The following CCDC171 variants were observed in gnomAD, a reference collection of about 807,000 sequenced individuals.
CCDC171 encodes coiled-coil domain-containing protein 171.
In CCDC171, 177 loss-of-function variants were observed where a neutral mutation model predicts 168.2. The ratio of observed to expected loss-of-function variants is 1.05; its 90% confidence interval spans 0.93 to 1.19. The LOEUF (loss-of-function observed/expected upper bound fraction) is 1.19, where lower values mean the gene tolerates loss of function less well. Among genes scored for constraint, CCDC171 ranks in the 50% most tolerant of loss-of-function variants. The pLI is 0.00. For missense variants in CCDC171, 1,991 were observed against 1,539.0 expected, an observed-to-expected ratio of 1.29 and a Z score of -4.91; for synonymous variants, 687 against 540.8, an observed-to-expected ratio of 1.27 and a Z score of -3.75.
chr9:15,740,452 T>A (rs1238611174), intron 16 of CCDC171, among the ~76,000 whole-genome samples: 4 of 151,918 alleles, frequency 2.6e-5, no homozygotes, highest in African/African-American at 7.3e-5. Context: ...TGTGTGTGTG[T>A]GAGACAGAGT....
chr9:16,085,108 G>A, the CCDC171 span, among the ~76,000 whole-genome samples: 1 of 152,160 alleles, frequency 6.6e-6, no homozygotes, highest in Non-Finnish European at 1.5e-5. Flanking sequence ...TGAACTGGAG[G>A]GCAGCATGTC....
intron 1 of CCDC171, among the ~76,000 whole-genome samples, chr9:16,059,500 T>C (rs976728627): frequency 5.7e-4 from 81 of 141,812 alleles, no homozygotes; most frequent in African/African-American, 2.0e-3. Context: ...TCTTTTTTTT[T>C]TTTTCTTTTT....
At chr9:15,794,551 C>A (rs2058455821) in intron 21 of CCDC171, among the ~76,000 whole-genome samples, 1 of 143,836 alleles carries the variant, frequency 7.0e-6, no homozygotes, top group Non-Finnish European at 1.5e-5. Context: ...TTTAGATAAT[C>A]ATATGACTTT....
chr9:15,658,152 G>T (rs1469468967), intron 8 of CCDC171, among the ~76,000 whole-genome samples: 2 of 152,186 alleles, frequency 1.3e-5, no homozygotes. Flanking sequence ...TATTTTTGAG[G>T]AATACTTGCA....
intron 6 of CCDC171, among the ~76,000 whole-genome samples, chr9:16,034,672 G>C (rs190088835): frequency 1.7e-3 from 263 of 152,342 alleles, no homozygotes; most frequent in Admixed American, 3.1e-3. Context: ...TCTCACCACT[G>C]TGATGGACAC....
chr9:15,889,818 ACT>A (rs1819949994), intron 24 of CCDC171, among the ~76,000 whole-genome samples: 1 of 152,074 alleles, frequency 6.6e-6, no homozygotes, highest in African/African-American at 2.4e-5. Context: ...GAGAAGCCAG[ACT>A]CTGCTGGTAT....
At chr9:15,642,838 T>C (rs998375605) in intron 7 of CCDC171, among the ~76,000 whole-genome samples, 37 of 152,304 alleles carry the variant, frequency 2.4e-4, no homozygotes, top group African/African-American at 8.7e-4. Flanking sequence ...AACCTCTTTT[T>C]GATTTTTGGA....
intron 9 of CCDC171, among the ~76,000 whole-genome samples, chr9:15,677,664 A>T (rs1431247845): frequency 6.6e-6 from 1 of 151,186 alleles, no homozygotes; most frequent in Non-Finnish European, 1.5e-5. Context: ...ACCTTTCATT[A>T]TATGTTCATA....
intron 21 of CCDC171, among the ~76,000 whole-genome samples, chr9:15,801,124 AT>A (rs796619836): frequency 1.0e-4 from 15 of 148,390 alleles, no homozygotes; most frequent in East Asian, 2.0e-4. Flanking sequence ...AAATTTTAGG[AT>A]TTTTTTTTTC....
At chr9:15,690,549 G>A (rs768745219) in intron 10 of CCDC171, among the ~76,000 whole-genome samples, 4 of 151,972 alleles carry the variant, frequency 2.6e-5, no homozygotes, top group African/African-American at 4.8e-5. Context: ...CATAAAAGAA[G>A]AAAATGAAAA....
At chr9:16,016,390 C>T (rs1833017449) in intron 3 of CCDC171, among the ~76,000 whole-genome samples, 1 of 152,098 alleles carries the variant, frequency 6.6e-6, no homozygotes, top group Non-Finnish European at 1.5e-5. Context: ...TAGCTTCGCT[C>T]AGAGGCAGGT....
In CCDC171 at chr9:15,816,023, T is replaced by C. The variant is rs2136031122; in HGVS notation, c.3268-30679T>C. On this transcript the variant is annotated intron_variant, in intron 21 of 25. Coordinates refer to ENST00000380701, the MANE Select transcript of CCDC171 (RefSeq NM_173550.4). ...TCATAAAAAGTTGTCATTTTCATTT[T>C]TGTTAGCCTGAACAACAGAAAATAT... Among the ~76,000 whole-genome samples, 2 of 118,294 alleles carry C rather than the reference T, an allele frequency of 1.7e-5. 1 individual carries two copies. Among genetic ancestry groups the C allele is most frequent in the African/African-American group, 6.3e-5 (2 of 31,976 alleles). 77.6% of individuals were successfully genotyped at this position (118,294 alleles called of 152,430 possible).
intron 16 of CCDC171, among the ~76,000 whole-genome samples, chr9:15,735,122 A>G (rs1049479713): frequency 9.2e-5 from 14 of 152,230 alleles, no homozygotes; most frequent in African/African-American, 2.9e-4. Context: ...TCGAAGCTTT[A>G]AAACAGTTAG....
At chr9:15,759,096 A>T (rs995179150) in intron 18 of CCDC171, among the ~76,000 whole-genome samples, 4 of 152,036 alleles carry the variant, frequency 2.6e-5, no homozygotes, top group African/African-American at 7.2e-5. Context: ...CTTCCAATGT[A>T]TTTCGTCTCC....
intron 24 of CCDC171, among the ~76,000 whole-genome samples, chr9:15,882,364 C>T (rs186940364): frequency 1.6e-4 from 24 of 152,248 alleles, no homozygotes; most frequent in Middle Eastern, 6.8e-3. Context: ...GGACGATTTG[C>T]GAGTGTATTC....
At chr9:15,640,374 A>C (rs1347438902) in intron 7 of CCDC171, among the ~76,000 whole-genome samples, 1 of 152,106 alleles carries the variant, frequency 6.6e-6, no homozygotes, top group African/African-American at 2.4e-5. Context: ...GGCCACATGG[A>C]AAGTAGGAGA....
At position 15,675,013 on chromosome 9, in the gene CCDC171, C is replaced by G. The variant is rs982130651; in HGVS notation, c.1077-3745C>G. ...GGAGTCTAAGTCTCTTTGTAGGTCT[C>G]TAAGGACTTGCTTTATGAATCTGGG... On this transcript the variant is annotated intron_variant, in intron 9 of 25. Coordinates refer to ENST00000380701, the MANE Select transcript of CCDC171 (RefSeq NM_173550.4). 1.1e-4 allele frequency among the ~76,000 whole-genome samples: 16 copies of G among 152,128 alleles called. No individual in the cohort carries two copies. The South Asian group carries it at 1.5e-3, about 14-fold the overall frequency.
intron 4 of CCDC171, among the ~76,000 whole-genome samples, chr9:15,584,758 G>T (rs1467506407): frequency 6.6e-6 from 1 of 152,130 alleles, no homozygotes; most frequent in African/African-American, 2.4e-5. Flanking sequence ...ATAATTGGGG[G>T]TATTGTGTTC....
Position 15,553,306 on chromosome 9 carries a change from A to G in CCDC171, c.-112+4A>G, listed in dbSNP as rs2038485594. 6.6e-6 allele frequency: 1 copy of G among 152,178 alleles called. No homozygotes were observed. The highest frequency in any genetic ancestry group is 2.1e-4 in the South Asian group (1 of 4,814). The allele number at this position is 152,178 out of a possible 1,614,324, so 9.4% of individuals were successfully genotyped here. A position where few individuals can be genotyped will look rare whatever the true frequency, so the allele number is the denominator to read the frequency against. ...CGGATCACGCGAGACCCCTGAGGTA[A>G]CCGCACGGTGTGGGGGCTTCGAGGC... On this transcript the variant is annotated splice_donor_region_variant and intron_variant, in intron 1 of 25. Transcript: ENST00000380701.
Sources: allele counts gnomAD v4.1 joint callset (sites outside exome capture counted in the v4.1 genomes callset), GRCh38; gene constraint gnomAD v4.1.1; transcripts MANE v1.5; gene names NCBI Gene and HGNC (gene_info 2026-07-23, HGNC 2026-07-21).